Variants in HK1 observed in about 807,000 individuals in gnomAD.
The protein encoded by HK1 is hexokinase 1.
A neutral mutation model predicts 91.6 loss-of-function variants in HK1; 28 were observed. That is an observed-to-expected ratio of 0.31 (90% CI 0.23 to 0.42). The LOEUF (loss-of-function observed/expected upper bound fraction) is 0.42. HK1 is among the 10% of genes least tolerant of loss of function. The pLI is 1.00. For missense variants in HK1, 770 were observed against 1,219.8 expected, an observed-to-expected ratio of 0.63 and a Z score of 5.49; for synonymous variants, 430 against 468.1, an observed-to-expected ratio of 0.92 and a Z score of 1.05.
In HK1 at chr10:69,369,234, C is replaced by T. The variant is rs758302995; in HGVS notation, c.592-3C>T. The T allele has an allele frequency of 6.2e-6, 10 of 1,611,628 alleles. No homozygotes were observed. The highest frequency in any genetic ancestry group is 8.5e-6 in the Non-Finnish European group (10 of 1,177,692). The stretch of plus-strand genomic sequence containing the variant: ...ACAATGACACCCCGTTATCTGTCCC[C>T]AGGACTATGATGCCAACATCGTAGC... On this transcript the variant is annotated splice_polypyrimidine_tract_variant and splice_region_variant and intron_variant, in intron 5 of 17. Transcript: ENST00000359426. This position sits in a 1 kb window ranked among gnomAD's most constrained non-coding sequence, Gnocchi z 4.4.
rs1488802179 is a variant in HK1 at position 69,384,465 on chromosome 10, A to G, written c.1703A>G (p.Gln568Arg). ...TACGCCATTCCTATTGAAATCATGC[A>G]GGGCACTGGGGAAGAGGTGAGATTA... Reference protein sequence around the residue: ...KIYAIPIEIMQGTGEELFDHI... With the variant: ...KIYAIPIEIMRGTGEELFDHI... Residue 568 changes from glutamine (Q) to arginine (R), a missense_variant, in exon 11 of 18, where the codon CAG becomes CGG. Coordinates refer to ENST00000359426, the MANE Select transcript of HK1 (RefSeq NM_000188.3). The G allele has an allele frequency of 6.2e-7, 1 of 1,614,126 alleles. No individual in the cohort carries two copies. The highest frequency in any genetic ancestry group is 8.5e-7 in the Non-Finnish European group (1 of 1,180,050).
rs568976769 is a variant in HK1, at chr10:69,394,989, C to A, written c.2259C>A (p.Ile753=). The change falls in exon 16 of 18, where the codon ATC becomes ATA. Residue 753 remains isoleucine (I), a synonymous_variant. Coordinates refer to ENST00000359426, the MANE Select transcript of HK1 (RefSeq NM_000188.3). ...TCAGTGGTATGTACCTGGGTGAAAT[C>A]GTCCGCAACATCTTAATCGACTTCA... is the stretch of plus-strand genomic sequence containing the variant. ...KMISGMYLGE[I]VRNILIDFTK... The A allele has an allele frequency of 2.5e-6, 4 of 1,613,994 alleles. No homozygotes were observed. The highest frequency in any genetic ancestry group is 4.5e-5 in the East Asian group (2 of 44,880).
chr10:69,341,456 T>C (rs942829448), intron 1 of HK1, among the ~76,000 whole-genome samples: 1 of 151,350 alleles, frequency 6.6e-6, no homozygotes, highest in African/African-American at 2.4e-5. Flanking sequence ...CCACTGCTCC[T>C]GGCCAATTGT....
At chr10:69,273,103 T>A (rs550661177) in intron 1 of HK1, among the ~76,000 whole-genome samples, 13 of 150,900 alleles carry the variant, frequency 8.6e-5, no homozygotes, top group African/African-American at 3.2e-4. Context: ...CAATCTCAGC[T>A]CACTGAAATT....
intron 15 of HK1, among the ~76,000 whole-genome samples, chr10:69,394,723 T>C (rs1244367591): frequency 6.6e-6 from 1 of 152,174 alleles, no homozygotes; most frequent in African/African-American, 2.4e-5. Flanking sequence ...GTCTAGCAGG[T>C]AGACATGAAT....
chr10:69,374,187 T>C (rs1589558386), intron 7 of HK1, among the ~76,000 whole-genome samples: 2 of 152,286 alleles, frequency 1.3e-5, no homozygotes, highest in South Asian at 4.1e-4. Context: ...CCGGTCCTGG[T>C]TTGCTTGGCC....
In HK1 at chr10:69,359,816, G is replaced by A. The variant is rs1231734318; in HGVS notation, c.227-81G>A. 53 of 1,375,004 alleles carry A rather than the reference G, an allele frequency of 3.9e-5. 1 individual carries two copies. In the South Asian group the frequency reaches 4.9e-4, roughly 13 times the overall value. The allele number at this position is 1,375,004 out of a possible 1,614,324, so 85.2% of individuals were successfully genotyped here. ...GCAGGGGGAGGCAGACAGGGCCTAC[G>A]CCCTGCCAGGAAGCGGGCATGGTAT... On this transcript the variant is annotated intron_variant, in intron 2 of 17. Coordinates refer to ENST00000359426, the MANE Select transcript of HK1 (RefSeq NM_000188.3).
intron 5 of HK1, among the ~76,000 whole-genome samples, chr10:69,308,117 G>A (rs1328416620): frequency 6.6e-6 from 1 of 152,140 alleles, no homozygotes; most frequent in Non-Finnish European, 1.5e-5. Flanking sequence ...AGGATTACAG[G>A]TGTGAGCCAC....
intron 1 of HK1, among the ~76,000 whole-genome samples, chr10:69,329,702 C>T (rs944841157): frequency 3.9e-5 from 6 of 152,166 alleles, no homozygotes; most frequent in Non-Finnish European, 8.8e-5. Flanking sequence ...ACCCAACTCT[C>T]ATTGTGCAGT....
intron 1 of HK1, among the ~76,000 whole-genome samples, chr10:69,336,186 T>A (rs923862860): frequency 6.6e-6 from 1 of 152,192 alleles, no homozygotes; most frequent in Non-Finnish European, 1.5e-5. Context: ...TTACTGTTAT[T>A]GCTTCTTTTT....
chr10:69,288,561 A>C, intron 2 of HK1: 11 of 707,350 alleles, frequency 1.6e-5, no homozygotes, highest in South Asian at 9.1e-5. Context: ...ATGTGTCTGC[A>C]CTATGTCTTG....
At chr10:69,300,892 A>T in intron 5 of HK1, 1 of 1,037,198 alleles carries the variant, frequency 9.6e-7, no homozygotes, top group South Asian at 1.3e-5. Context: ...TACCCACAAA[A>T]ACCTATTAGA....
At chr10:69,358,151 AC>A (rs1383831233) in intron 2 of HK1, among the ~76,000 whole-genome samples, 12 of 152,122 alleles carry the variant, frequency 7.9e-5, no homozygotes. Flanking sequence ...GGTGGCCGTC[AC>A]CCCTGGCGTG....
At chr10:69,364,654 C>T (rs571248504) in intron 3 of HK1, 129 bp from the exon 4 acceptor site, 3 of 1,172,512 alleles carry the variant, frequency 2.6e-6, no homozygotes, top group South Asian at 1.2e-5. Flanking sequence ...CACCAGGTCC[C>T]AGGAGTACGA....
intron 4 of HK1, among the ~76,000 whole-genome samples, chr10:69,299,973 T>C (rs1417161860): frequency 6.6e-6 from 1 of 151,538 alleles, no homozygotes; most frequent in African/African-American, 2.4e-5. Context: ...TTTTAATTTT[T>C]TTTTTCAGTA....
chr10:69,393,663 G>A lies in HK1; in HGVS notation c.2220-1287G>A, dbSNP rs141241393. On this transcript the variant is annotated intron_variant, in intron 15 of 17. Coordinates refer to ENST00000359426, the MANE Select transcript of HK1 (RefSeq NM_000188.3). ...GAGGAAGAACCAATAGTACCATAAA[G>A]AGATGGTAACTAAAAAATGAGTATA... Among the ~76,000 whole-genome samples the A allele has an allele frequency of 1.6e-4, 25 of 152,354 alleles. No homozygotes were observed. The South Asian group carries it at 2.9e-3, about 18-fold the overall frequency.
upstream of HK1, chr10:69,318,055 C>A (rs1846741213): frequency 1.0e-6 from 1 of 985,322 alleles, no homozygotes; most frequent in Admixed American, 6.1e-5. Context: ...TGGGGACAGG[C>A]CACGACCTGT....
intron 1 of HK1, chr10:69,278,507 C>A (rs1168127817): frequency 6.6e-6 from 1 of 152,234 alleles, no homozygotes; most frequent in African/African-American, 2.4e-5. Flanking sequence ...GTCCTGATTT[C>A]TGAGTCTGCT....
At chr10:69,337,568 ACCCGTTCTCTCTGAGTCAGTGT>A (rs1160534604) in intron 1 of HK1, among the ~76,000 whole-genome samples, 3 of 152,334 alleles carry the variant, frequency 2.0e-5, no homozygotes, top group African/African-American at 7.2e-5. Flanking sequence ...AGCACCCAGG[ACCCGTTCTCTCTGAGTCAGTGT>A]CCTTAGCAAA....
Sources: gnomAD v4.1 joint callset for allele counts (sites outside exome capture counted in the v4.1 genomes callset) on GRCh38, gnomAD v4.1.1 for gene constraint, Gnocchi (gnomAD v3.1) non-coding constraint, MANE v1.5 for transcripts, NCBI Gene and HGNC (gene_info 2026-07-23, HGNC 2026-07-21) for gene names.